The following ZNF423 variants were observed in gnomAD, a reference collection of about 807,000 sequenced individuals.
ZNF423 encodes Ebf-associated zinc finger protein.
A neutral mutation model predicts 95.8 loss-of-function variants in ZNF423; 12 were observed. The observed-to-expected ratio is 0.13, with a 90% CI of 0.08 to 0.20. The LOEUF (loss-of-function observed/expected upper bound fraction) is 0.20. Ranked by LOEUF, ZNF423 falls within the 10% of genes least tolerant of loss-of-function variation. The probability of loss-of-function intolerance (pLI) is 1.00; values close to 1 mark genes in which losing one functional copy is unlikely to be tolerated. For missense variants in ZNF423, 1,316 were observed against 1,737.1 expected, an observed-to-expected ratio of 0.76 and a Z score of 4.31; for synonymous variants, 749 against 711.9, an observed-to-expected ratio of 1.05 and a Z score of -0.83.
chr16:49,540,429 C>T (rs1483968231), intron 5 of ZNF423, among the ~76,000 whole-genome samples: 6 of 151,608 alleles, frequency 4.0e-5, no homozygotes, highest in Admixed American at 3.9e-4. Context: ...CACAGGCCAC[C>T]ATGCCCCACT....
intron 2 of ZNF423, among the ~76,000 whole-genome samples, chr16:49,742,284 C>A (rs2143500427): frequency 6.6e-6 from 1 of 152,122 alleles, no homozygotes; most frequent in African/African-American, 2.4e-5. Flanking sequence ...ACTCAGCTCT[C>A]AACTACAGTG....
At chr16:49,631,874 C>T (rs560721553) in intron 4 of ZNF423, among the ~76,000 whole-genome samples, 1 of 152,332 alleles carries the variant, frequency 6.6e-6, no homozygotes, top group African/African-American at 2.4e-5. Flanking sequence ...CAAGAGGCTG[C>T]ATCACTTGGT....
chr16:49,517,501 A>G (rs1340446100), intron 7 of ZNF423, among the ~76,000 whole-genome samples: 2 of 152,128 alleles, frequency 1.3e-5, no homozygotes, highest in Non-Finnish European at 2.9e-5. Flanking sequence ...TGGATCCCCT[A>G]CTGCCTGGGT....
chr16:49,525,376 G>T lies in ZNF423; in HGVS notation c.3720C>A (p.Pro1240=). The T allele has an allele frequency of 6.2e-7, 1 of 1,614,040 alleles. No homozygotes were observed. The highest frequency in any genetic ancestry group is 8.5e-7 in the Non-Finnish European group (1 of 1,179,938). Reference sequence around the variant, plus strand: ...TGGGTACCTTACCTGTGAAACACACGGGGCATTTGAAGGTGCCGCCCATGC... The same window carrying T: ...TGGGTACCTTACCTGTGAAACACACTGGGCATTTGAAGGTGCCGCCCATGC... ...FEGMGGTFKC[P]VCFTVFVQAN... is the part of the protein sequence containing the mutation. Residue 1240 remains proline, a synonymous_variant, in exon 6 of 8, where the codon CCC becomes CCA. Transcript: ENST00000563137.
chr16:49,670,597 C>T lies in ZNF423; in HGVS notation c.302-31723G>A, dbSNP rs146666269. 4.7e-3 allele frequency among the ~76,000 whole-genome samples: 712 copies of T among 152,286 alleles called. 4 individuals are homozygous for T. Among genetic ancestry groups the T allele is most frequent in the African/African-American group, 0.017 (690 of 41,572 alleles). On this transcript the variant is annotated intron_variant, in intron 3 of 7. Coordinates refer to ENST00000563137, the MANE Select transcript of ZNF423 (RefSeq NM_001379286.1). ...GAGGAGTTGGGGCTGCATTCTAGTC[C>T]TGCCCACTTTTGCCCCCTGTGCCAT...
intron 1 of ZNF423, among the ~76,000 whole-genome samples, chr16:49,833,406 T>C (rs1193341014): frequency 6.6e-6 from 1 of 152,246 alleles, no homozygotes; most frequent in Non-Finnish European, 1.5e-5. Flanking sequence ...GAACAATCAC[T>C]ATGCAAATGA....
At chr16:49,681,503 C>T (rs1596845966) in intron 3 of ZNF423, among the ~76,000 whole-genome samples, 1 of 152,340 alleles carries the variant, frequency 6.6e-6, no homozygotes, top group South Asian at 2.1e-4. Context: ...GATGTATAAA[C>T]CTTGGTGCTG....
intron 1 of ZNF423, among the ~76,000 whole-genome samples, chr16:49,834,561 A>G (rs1279770983): frequency 6.6e-6 from 1 of 152,134 alleles, no homozygotes; most frequent in Non-Finnish European, 1.5e-5. Context: ...CACGCTCGCC[A>G]AGGAGGCGGT....
At chr16:49,514,650 C>T (rs558786550) in intron 7 of ZNF423, among the ~76,000 whole-genome samples, 19 of 152,284 alleles carry the variant, frequency 1.2e-4, no homozygotes, top group African/African-American at 4.1e-4. Context: ...TGCTTTTAAT[C>T]AATTGTAATC....
chr16:49,704,287 A>C (rs1482160124), intron 3 of ZNF423, among the ~76,000 whole-genome samples: 1 of 151,538 alleles, frequency 6.6e-6, no homozygotes, highest in Non-Finnish European at 1.5e-5. Context: ...CTCCACGAAA[A>C]CTCCCACTAA....
intron 2 of ZNF423, among the ~76,000 whole-genome samples, chr16:49,773,286 T>C (rs2034066456): frequency 6.6e-6 from 1 of 151,512 alleles, no homozygotes; most frequent in African/African-American, 2.4e-5. Flanking sequence ...ACCATTGCAC[T>C]CCAGCCTGGG....
chr16:49,783,724 G>A (rs1028459013), intron 2 of ZNF423, among the ~76,000 whole-genome samples: 6 of 151,996 alleles, frequency 3.9e-5, no homozygotes, highest in African/African-American at 1.5e-4. Context: ...GGCACTGGGA[G>A]CCTTTGGAAG....
At chr16:49,608,401 T>G (rs1971610657) in intron 5 of ZNF423, among the ~76,000 whole-genome samples, 1 of 152,166 alleles carries the variant, frequency 6.6e-6, no homozygotes, top group South Asian at 2.1e-4. Flanking sequence ...GCACAGAAGT[T>G]GCTGTGGAAT....
In ZNF423 at chr16:49,803,940, T is replaced by C. The variant is rs797018520; in HGVS notation, c.41-14394A>G. 9.6e-5 allele frequency among the ~76,000 whole-genome samples: 14 copies of C among 145,518 alleles called. 1 individual carries two copies. Among genetic ancestry groups the C allele is most frequent in the African/African-American group, 3.5e-4 (14 of 39,630 alleles). On this transcript the variant is annotated intron_variant, in intron 1 of 7. Transcript: ENST00000563137. ...CAGGGCTAGGATGAGTTTCTTTTTT[T>C]TTTTTTTTTTTTTTTGACAGAGTCT...
intron 3 of ZNF423, among the ~76,000 whole-genome samples, chr16:49,660,234 T>G (rs970683470): frequency 6.6e-6 from 1 of 152,112 alleles, no homozygotes; most frequent in African/African-American, 2.4e-5. Context: ...GATGAAAGGG[T>G]ACCTGGCCTA....
At chr16:49,616,122 G>T (rs935129062) in intron 5 of ZNF423, among the ~76,000 whole-genome samples, 1 of 152,202 alleles carries the variant, frequency 6.6e-6, no homozygotes, top group African/African-American at 2.4e-5. Context: ...TCTGCTTGCT[G>T]CAATATTCAT....
At chr16:49,578,974 G>A (rs535908679) in intron 5 of ZNF423, among the ~76,000 whole-genome samples, 9 of 152,170 alleles carry the variant, frequency 5.9e-5, no homozygotes, top group Non-Finnish European at 7.4e-5. Flanking sequence ...TATTTTCCCC[G>A]CTTCCTCTGC....
In ZNF423 at chr16:49,536,432, G is replaced by GTT. The variant is rs767808121; in HGVS notation, c.3602-10940_3602-10939dup. On this transcript the variant is annotated intron_variant, in intron 5 of 7. Coordinates refer to ENST00000563137, the MANE Select transcript of ZNF423 (RefSeq NM_001379286.1). ...CCTGTGGCTCTTTAGTTTCTGGGTGGTTTTTTTTTTTTTTTTTGGTTTTTT... is the reference window on the plus strand; with the variant it reads ...CCTGTGGCTCTTTAGTTTCTGGGTGGTTTTTTTTTTTTTTTTTTTGGTTTTTT... 6.6e-3 allele frequency among the ~76,000 whole-genome samples: 833 copies of GTT among 126,586 alleles called. 3 individuals are homozygous for GTT. Among genetic ancestry groups the GTT allele is most frequent in the Middle Eastern group, 8.2e-3 (2 of 244 alleles). The allele number at this position is 126,586 out of a possible 152,430, so 83.0% of individuals were successfully genotyped here. A position where few individuals can be genotyped will look rare whatever the true frequency, so the allele number is the denominator to read the frequency against.
chr16:49,508,125 G>A (rs1158905456), intron 7 of ZNF423, among the ~76,000 whole-genome samples: 2 of 152,102 alleles, frequency 1.3e-5, no homozygotes, highest in East Asian at 3.9e-4. Flanking sequence ...GGCATTGTGA[G>A]GATCAAATGT....
Sources: gnomAD v4.1 joint callset for allele counts (sites outside exome capture counted in the v4.1 genomes callset) on GRCh38, gnomAD v4.1.1 for gene constraint, MANE v1.5 for transcripts, NCBI Gene and HGNC (gene_info 2026-07-23, HGNC 2026-07-21) for gene names.